Variants in GALNT11 observed in about 807,000 individuals in gnomAD.
The protein encoded by GALNT11 is polypeptide N-acetylgalactosaminyltransferase 11.
In GALNT11, 47 loss-of-function variants were observed where a neutral mutation model predicts 72.7. The observed-to-expected ratio is 0.65, with a 90% CI of 0.51 to 0.82. The LOEUF is 0.82. GALNT11 is among the 40% of genes least tolerant of loss of function. The pLI, the probability that GALNT11 is intolerant of heterozygous loss-of-function variation, is 0.00. For synonymous variants in GALNT11, 270 were observed against 286.6 expected, an observed-to-expected ratio of 0.94 and a Z score of 0.58; for missense variants, 677 against 778.4, an observed-to-expected ratio of 0.87 and a Z score of 1.55.
intron 11 of GALNT11, 123 bp downstream of exon 11, chr7:152,121,091 C>A: frequency 8.5e-7 from 1 of 1,174,266 alleles, no homozygotes; most frequent in Non-Finnish European, 1.2e-6. Context: ...GTACAGTGGT[C>A]CCCCCAGAAA....
At chr7:152,113,425 G>A in intron 8 of GALNT11, 27 bp downstream of exon 8, 1 of 1,610,406 alleles carries the variant, frequency 6.2e-7, no homozygotes, top group Non-Finnish European at 8.5e-7. Context: ...TGTTTAGAAG[G>A]ATGAATGATA....
chr7:152,087,381 G>A (rs185271634), intron 1 of GALNT11, among the ~76,000 whole-genome samples: 178 of 152,318 alleles, frequency 1.2e-3, no homozygotes, highest in Non-Finnish European at 1.9e-3. Context: ...ACTAAGTGAA[G>A]AGCCAGTGCA....
chr7:152,060,810 T>A (rs1183517266), intron 1 of GALNT11, among the ~76,000 whole-genome samples: 2 of 152,214 alleles, frequency 1.3e-5, no homozygotes, highest in Non-Finnish European at 2.9e-5. Flanking sequence ...AACTCACCCT[T>A]TTCTATGGCT....
intron 1 of GALNT11, among the ~76,000 whole-genome samples, chr7:152,038,206 G>A (rs1470687468): frequency 2.6e-5 from 4 of 152,182 alleles, no homozygotes; most frequent in Non-Finnish European, 5.9e-5. Flanking sequence ...GAAATATAGA[G>A]TGTGGAATGG....
chr7:152,061,310 T>C (rs189866894), intron 1 of GALNT11, among the ~76,000 whole-genome samples: 1,762 of 152,324 alleles, frequency 0.012, 36 homozygotes, highest in African/African-American at 0.041. Context: ...CGCCCACTTT[T>C]TGATGGGGTT....
In GALNT11 at chr7:152,121,714, G is replaced by C. The variant is rs533390716; in HGVS notation, c.*37G>C. 1.9e-6 allele frequency: 3 copies of C among 1,599,496 alleles called. No homozygotes were observed. The highest frequency in any genetic ancestry group is 2.7e-5 in the African/African-American group (2 of 74,686). ...TGGTGGGAACGTTGCTTCATCAGGCGTTGCCTCCGGTGTGGAGTTTGGGGC... is the reference window on the plus strand; with the variant it reads ...TGGTGGGAACGTTGCTTCATCAGGCCTTGCCTCCGGTGTGGAGTTTGGGGC... On this transcript the variant is annotated 3_prime_UTR_variant, in exon 12 of 12. Coordinates refer to ENST00000430044, the MANE Select transcript of GALNT11 (RefSeq NM_022087.4).
chr7:152,060,483 T>A (rs919881580), intron 1 of GALNT11, among the ~76,000 whole-genome samples: 3 of 151,680 alleles, frequency 2.0e-5, no homozygotes, highest in Non-Finnish European at 2.9e-5. Flanking sequence ...TTTTTTTTTT[T>A]ATATATATAT....
intron 9 of GALNT11, 98 bp downstream of exon 9, chr7:152,117,473 A>C (rs1286580634): frequency 8.7e-6 from 10 of 1,152,334 alleles, no homozygotes; most frequent in Non-Finnish European, 1.3e-5. Flanking sequence ...TGTGGACTTA[A>C]CAGAGTGTAA....
intron 1 of GALNT11, among the ~76,000 whole-genome samples, chr7:152,028,133 G>A (rs1351067440): frequency 2.0e-5 from 3 of 152,214 alleles, no homozygotes; most frequent in Non-Finnish European, 4.4e-5. Context: ...AAGAATGAAA[G>A]AGCAAAGCTT....
At chr7:152,064,362 A>G (rs893921247) in intron 1 of GALNT11, among the ~76,000 whole-genome samples, 3 of 152,064 alleles carry the variant, frequency 2.0e-5, no homozygotes, top group Non-Finnish European at 4.4e-5. Flanking sequence ...TGCACATGAG[A>G]TGGGTCTCCT....
intron 1 of GALNT11, among the ~76,000 whole-genome samples, chr7:152,041,087 A>G (rs2082837703): frequency 6.6e-6 from 1 of 152,160 alleles, no homozygotes; most frequent in Non-Finnish European, 1.5e-5. Context: ...GCAACTGGGA[A>G]TCCTTGGGAT....
intron 1 of GALNT11, among the ~76,000 whole-genome samples, chr7:152,063,394 G>C (rs1227993112): frequency 6.6e-6 from 1 of 152,000 alleles, no homozygotes; most frequent in Non-Finnish European, 1.5e-5. Flanking sequence ...CAATTTTGCT[G>C]ATCTTTTCAA....
chr7:152,061,777 A>G (rs573381580), intron 1 of GALNT11, among the ~76,000 whole-genome samples: 1 of 152,284 alleles, frequency 6.6e-6, no homozygotes, highest in African/African-American at 2.4e-5. Context: ...CAAAGATCAG[A>G]TGGTTATAGA....
chr7:152,048,223 A>G (rs1018829885), intron 1 of GALNT11, among the ~76,000 whole-genome samples: 2 of 150,530 alleles, frequency 1.3e-5, no homozygotes, highest in Admixed American at 6.6e-5. Context: ...TAAATAGGCC[A>G]CTCTCCTGGC....
At chr7:152,040,809 C>T (rs2082822005) in intron 1 of GALNT11, among the ~76,000 whole-genome samples, 2 of 152,216 alleles carry the variant, frequency 1.3e-5, no homozygotes, top group South Asian at 4.1e-4. Flanking sequence ...CATAGGGCAT[C>T]TGAAAAACTT....
At chr7:152,110,310 A>G (rs1203247119) in intron 6 of GALNT11, among the ~76,000 whole-genome samples, 5 of 152,178 alleles carry the variant, frequency 3.3e-5, no homozygotes. Flanking sequence ...AGACTTAGAA[A>G]AGTAGCCTTC....
intron 8 of GALNT11, 42 bp downstream of exon 8, chr7:152,113,440 G>A (rs1057469586): frequency 1.0e-5 from 16 of 1,596,702 alleles, no homozygotes; most frequent in South Asian, 6.7e-5. Flanking sequence ...ATGATAGGCC[G>A]GCAGTGACTG....
At chr7:152,034,210 T>C (rs372852750) in intron 1 of GALNT11, among the ~76,000 whole-genome samples, 2 of 152,156 alleles carry the variant, frequency 1.3e-5, no homozygotes, top group African/African-American at 2.4e-5. Flanking sequence ...TTATCATTAA[T>C]AGGAAGGGTA....
rs2086218610 is a variant in GALNT11 at position 152,094,096 on chromosome 7, G to T, written c.-38-94G>T. ...ATATCCGTTAACTGTACGCATAGTG[G>T]TCCTACTTGGTGGTTTGGAAAACAG... is the stretch of plus-strand genomic sequence containing the variant. On this transcript the variant is annotated intron_variant, in intron 1 of 11. Transcript: ENST00000430044. This position sits in a 1 kb window ranked among gnomAD's most constrained non-coding sequence, Gnocchi z 4.3. 2 of 979,068 alleles carry T rather than the reference G, an allele frequency of 2.0e-6. No individual in the cohort carries two copies. The highest frequency in any genetic ancestry group is 3.3e-5 in the South Asian group (2 of 61,396). The allele number at this position is 979,068 out of a possible 1,614,324, so 60.6% of individuals were successfully genotyped here. A position where few individuals can be genotyped will look rare whatever the true frequency, so the allele number is the denominator to read the frequency against.
Sources: gnomAD v4.1 joint callset for allele counts (sites outside exome capture counted in the v4.1 genomes callset) on GRCh38, gnomAD v4.1.1 for gene constraint, Gnocchi (gnomAD v3.1) non-coding constraint, MANE v1.5 for transcripts, NCBI Gene and HGNC (gene_info 2026-07-23, HGNC 2026-07-21) for gene names.